CSMD3: variants seen among roughly 807,000 people sequenced by gnomAD.
CSMD3 encodes the protein CUB and Sushi multiple domains 3.
CSMD3 carries 177 observed loss-of-function variants against 435.2 expected under a neutral mutation model. The ratio of observed to expected loss-of-function variants is 0.41; its 90% CI spans 0.36 to 0.46. The LOEUF is 0.46. Ranked by LOEUF, CSMD3 falls within the 20% of genes least tolerant of loss-of-function variation. The pLI is 0.34. For synonymous variants in CSMD3, 1,656 were observed against 1,520.5 expected, an observed-to-expected ratio of 1.09 and a Z score of -2.07; for missense variants, 4,265 against 4,504.6, an observed-to-expected ratio of 0.95 and a Z score of 1.52.
chr8:113,139,773 T>C (rs2091503296), intron 4 of CSMD3, among the ~76,000 whole-genome samples: 1 of 151,084 alleles, frequency 6.6e-6, no homozygotes, highest in African/African-American at 2.4e-5. Context: ...GCAAAGTTGA[T>C]TGGAAAGCAG....
At chr8:112,294,091 G>T (rs935961107) in intron 54 of CSMD3, among the ~76,000 whole-genome samples, 1 of 151,950 alleles carries the variant, frequency 6.6e-6, no homozygotes, top group East Asian at 1.9e-4. Flanking sequence ...ATTTGCTTGG[G>T]GGGGGTGTAG....
intron 1 of CSMD3, among the ~76,000 whole-genome samples, 153 bp downstream of exon 1, chr8:113,436,524 T>A (rs2094706935): frequency 1.3e-5 from 2 of 151,240 alleles, no homozygotes; most frequent in Non-Finnish European, 2.9e-5. Flanking sequence ...GCATTTCCTA[T>A]CTGAGGGGGG....
At position 113,230,134 on chromosome 8, in the gene CSMD3, G is replaced by GGACTAGCAA. The variant is rs1485347965; in HGVS notation, c.514+48457_514+48458insTTGCTAGTC. Among the ~76,000 whole-genome samples, 996 of 151,688 alleles carry GGACTAGCAA rather than the reference G, an allele frequency of 6.6e-3. 11 individuals are homozygous for GGACTAGCAA. Among genetic ancestry groups the GGACTAGCAA allele is most frequent in the African/African-American group, 0.022 (896 of 41,474 alleles). On this transcript the variant is annotated intron_variant, in intron 3 of 70. Transcript: ENST00000297405. ...TTTCTGATGTTTTAAGTTAATACAT[G>GGACTAGCAA]GATAGAAATTAAGGACTAGCAAGAT...
At chr8:113,067,861 T>C (rs2088929507) in intron 5 of CSMD3, among the ~76,000 whole-genome samples, 1 of 152,066 alleles carries the variant, frequency 6.6e-6, no homozygotes, top group African/African-American at 2.4e-5. Flanking sequence ...TAATAAATGG[T>C]CTGAGCAACT....
At chr8:113,096,538 C>T (rs2090167315) in intron 5 of CSMD3, among the ~76,000 whole-genome samples, 2 of 152,004 alleles carry the variant, frequency 1.3e-5, no homozygotes, top group South Asian at 2.1e-4. Flanking sequence ...GTTTATTCTC[C>T]ACACGGTAGC....
intron 16 of CSMD3, among the ~76,000 whole-genome samples, chr8:112,669,494 T>G (rs1427128233): frequency 1.3e-5 from 2 of 152,168 alleles, no homozygotes; most frequent in Non-Finnish European, 2.9e-5. Context: ...TTTAAGAAAT[T>G]CTTATACATT....
chr8:113,290,590 A>G (rs922156091), intron 2 of CSMD3, among the ~76,000 whole-genome samples: 2 of 151,738 alleles, frequency 1.3e-5, no homozygotes. Flanking sequence ...GGTAAATAAC[A>G]TAACACCTCA....
At chr8:113,115,152 T>C (rs1207722604) in intron 4 of CSMD3, among the ~76,000 whole-genome samples, 3 of 152,198 alleles carry the variant, frequency 2.0e-5, no homozygotes, top group Non-Finnish European at 4.4e-5. Flanking sequence ...AATGCTTAAA[T>C]AATGGTCAGA....
chr8:113,275,352 A>C (rs1488610260), intron 3 of CSMD3, among the ~76,000 whole-genome samples: 3 of 151,994 alleles, frequency 2.0e-5, no homozygotes, highest in Non-Finnish European at 4.4e-5. Flanking sequence ...TTCCAGGGAG[A>C]GAAAGATAGA....
chr8:113,142,865 A>AATAT lies in CSMD3; in HGVS notation c.709+30853_709+30856dup, dbSNP rs60270302. Reference sequence around the variant, plus strand: ...ATCAAATTATCTTCTGAACTCCTTAAATATATATATATATATATATATACC... The same window carrying AATAT: ...ATCAAATTATCTTCTGAACTCCTTAAATATATATATATATATATATATATATACC... On this transcript the variant is annotated intron_variant, in intron 4 of 70. Transcript: ENST00000297405. Among the ~76,000 whole-genome samples the AATAT allele has an allele frequency of 8.3e-3, 1,208 of 145,034 alleles. 5 individuals are homozygous for AATAT. Among genetic ancestry groups the AATAT allele is most frequent in the Middle Eastern group, 0.018 (5 of 276 alleles).
chr8:112,265,669 C>A, intron 59 of CSMD3, 79 bp from the exon 60 acceptor site: 1 of 965,980 alleles, frequency 1.0e-6, no homozygotes, highest in Non-Finnish European at 1.7e-6. Context: ...ATATGGCATA[C>A]TTAATATATA....
At chr8:112,597,499 C>G (rs1286867421) in intron 22 of CSMD3, among the ~76,000 whole-genome samples, 1 of 125,262 alleles carries the variant, frequency 8.0e-6, no homozygotes, top group East Asian at 2.2e-4. Context: ...AAGAGGGAAT[C>G]CTCCCTAACT....
rs1040924721 is a variant in CSMD3, at chr8:113,151,852, C to T, written c.709+21870G>A. 8.6e-5 allele frequency among the ~76,000 whole-genome samples: 13 copies of T among 151,922 alleles called. No individual in the cohort carries two copies. The South Asian group carries it at 2.5e-3, about 29-fold the overall frequency. ...ACATATTAGAAGTTTTGATTATGCCCGGTTTTGTCAAAATATAACAGGAAA... is the reference window on the plus strand; with the variant it reads ...ACATATTAGAAGTTTTGATTATGCCTGGTTTTGTCAAAATATAACAGGAAA... On this transcript the variant is annotated intron_variant, in intron 4 of 70. Coordinates refer to ENST00000297405, the MANE Select transcript of CSMD3 (RefSeq NM_198123.2).
intron 1 of CSMD3, among the ~76,000 whole-genome samples, chr8:113,349,732 A>G (rs4599844): frequency 0.94 from 142,350 of 152,170 alleles, 66,709 homozygotes; most frequent in East Asian, 1. Flanking sequence ...TTGATATTAT[A>G]TAAGAAAGGA....
chr8:113,064,037 G>T (rs2131375140), intron 5 of CSMD3, among the ~76,000 whole-genome samples: 1 of 151,236 alleles, frequency 6.6e-6, no homozygotes, highest in South Asian at 2.1e-4. Context: ...TATATTAAAG[G>T]ACTCGCCTAA....
intron 4 of CSMD3, 83 bp downstream of exon 4, chr8:113,173,639 C>A: frequency 1.8e-6 from 2 of 1,122,964 alleles, no homozygotes; most frequent in Non-Finnish European, 2.7e-6. Context: ...CCTTTAGATT[C>A]CGTAGAAGAA....
chr8:112,266,419 G>A (rs1251836951), intron 59 of CSMD3, among the ~76,000 whole-genome samples: 2 of 152,188 alleles, frequency 1.3e-5, no homozygotes, highest in Admixed American at 1.3e-4. Context: ...ACACAAGAAA[G>A]AAGGCAACAA....
intron 5 of CSMD3, among the ~76,000 whole-genome samples, chr8:113,057,645 A>C: frequency 6.6e-6 from 1 of 152,058 alleles, no homozygotes; most frequent in East Asian, 1.9e-4. Context: ...TCATAAGAAA[A>C]TTTTGTTATT....
At position 112,391,447 on chromosome 8, in the gene CSMD3, T is replaced by C. The variant is rs993649267; in HGVS notation, c.5810-659A>G. Among the ~76,000 whole-genome samples, 4 of 152,208 alleles carry C rather than the reference T, an allele frequency of 2.6e-5. No individual in the cohort carries two copies. In the East Asian group the frequency reaches 7.7e-4, roughly 29 times the overall value. ...GTGCAGTGGCTCACGCCTGTAATCC[T>C]ACCACTTTGGGAGGCTGAGGAGGCT... On this transcript the variant is annotated intron_variant, in intron 35 of 70. Transcript: ENST00000297405.
Sources: gnomAD v4.1 joint callset for allele counts (sites outside exome capture counted in the v4.1 genomes callset) on GRCh38, gnomAD v4.1.1 for gene constraint, MANE v1.5 for transcripts, NCBI Gene and HGNC (gene_info 2026-07-23, HGNC 2026-07-21) for gene names.